The following TXNDC16 variants were observed in gnomAD, a reference collection of about 807,000 sequenced individuals.
TXNDC16 encodes thioredoxin domain containing 16, also known as thioredoxin domain-containing protein 16.
A neutral mutation model predicts 85.6 loss-of-function variants in TXNDC16; 74 were observed. The observed-to-expected ratio is 0.86, with a 90% confidence interval of 0.72 to 1.05. The LOEUF (loss-of-function observed/expected upper bound fraction) is 1.05, where lower values mean the gene tolerates loss of function less well. TXNDC16 is among the 50% of genes least tolerant of loss of function. The probability of loss-of-function intolerance (pLI) is 0.00; values close to 1 mark genes in which losing one functional copy is unlikely to be tolerated. For synonymous variants in TXNDC16, 335 were observed against 326.5 expected (o/e 1.03, Z -0.28); for missense variants, 959 against 947.0 (o/e 1.01, Z -0.17).
intron 16 of TXNDC16, among the ~76,000 whole-genome samples, chr14:52,464,794 G>A (rs1175786346): frequency 3.9e-5 from 6 of 151,998 alleles, no homozygotes; most frequent in East Asian, 1.9e-4. Context: ...TTAGCTGGGC[G>A]TGCTGCTGCA....
intron 6 of TXNDC16, among the ~76,000 whole-genome samples, chr14:52,523,467 C>T (rs2037259026): frequency 6.6e-6 from 1 of 151,344 alleles, no homozygotes. Flanking sequence ...TAGAACACAA[C>T]AAAAAGGAAA....
chr14:52,439,378 C>T lies in TXNDC16; in HGVS notation c.2020G>A (p.Gly674Arg), dbSNP rs779633860. The T allele has an allele frequency of 1.9e-6, 3 of 1,613,284 alleles. No homozygotes were observed. Among genetic ancestry groups the T allele is most frequent in the African/African-American group, 2.7e-5 (2 of 74,872 alleles). Reference sequence around the variant, plus strand: ...AAATATGCCCTCAAGATTCCTCTCCCCACTGGAGTATTCTTTCTGCAAAAG... The same window carrying T: ...AAATATGCCCTCAAGATTCCTCTCCTCACTGGAGTATTCTTTCTGCAAAAG... The part of the protein sequence containing the change: ...CWLNLKNTPV[G>R]RGILRAYFDP... Residue 674 changes from glycine to arginine, a missense_variant, in exon 20 of 21, where the codon GGG becomes AGG. Transcript: ENST00000281741.
At chr14:52,529,618 T>A (rs2037433613) in intron 6 of TXNDC16, among the ~76,000 whole-genome samples, 1 of 100,848 alleles carries the variant, frequency 9.9e-6, no homozygotes, top group Non-Finnish European at 1.8e-5. Flanking sequence ...TAATGCCTAT[T>A]ATATATATTA....
chr14:52,493,244 AG>A (rs1308117860), intron 9 of TXNDC16, among the ~76,000 whole-genome samples: 1 of 141,958 alleles, frequency 7.0e-6, no homozygotes, highest in African/African-American at 2.9e-5. Context: ...CATATTTAAA[AG>A]TCACCAAGTC....
In TXNDC16 at chr14:52,543,571, T is replaced by G; in HGVS notation, c.-14A>C. On this transcript the variant is annotated 5_prime_UTR_variant, in exon 3 of 21. Coordinates refer to ENST00000281741, the MANE Select transcript of TXNDC16 (RefSeq NM_020784.3). ...GCCGGAAAACATTATCAGCTGCAGTTGTATCTGAGCGGATTTTGTCTGTTT... is the reference window on the plus strand; with the variant it reads ...GCCGGAAAACATTATCAGCTGCAGTGGTATCTGAGCGGATTTTGTCTGTTT... 3 of 1,612,198 alleles carry G rather than the reference T, an allele frequency of 1.9e-6. No individual in the cohort carries two copies. Among genetic ancestry groups the G allele is most frequent in the Non-Finnish European group, 2.5e-6 (3 of 1,179,132 alleles).
intron 6 of TXNDC16, among the ~76,000 whole-genome samples, chr14:52,530,344 TA>T (rs2037493950): frequency 2.0e-5 from 1 of 49,196 alleles, no homozygotes; most frequent in African/African-American, 9.9e-5. Context: ...TATATAATTA[TA>T]TATTATAATA....
chr14:52,468,886 A>C (rs551822436), intron 16 of TXNDC16, among the ~76,000 whole-genome samples: 1 of 152,210 alleles, frequency 6.6e-6, no homozygotes, highest in South Asian at 2.1e-4. Context: ...CAAAAAAAAA[A>C]ACAAAAAACC....
At chr14:52,537,481 A>G (rs992414074) in intron 5 of TXNDC16, 118 bp downstream of exon 5, 16 of 734,274 alleles carry the variant, frequency 2.2e-5, no homozygotes, top group African/African-American at 3.6e-5. Context: ...CTTTTGGTTA[A>G]GCTTTACATG....
Position 52,536,788 on chromosome 14 carries a change from T to G in TXNDC16, c.323A>C (p.Asn108Thr). ...DLMKAYLFKGNILLREFPTDT... is the reference protein window; with the variant it reads ...DLMKAYLFKGTILLREFPTDT... ...AGTAGGGAATTCTCTGAGCAATATG[T>G]TGCCCCTATAAAAAGTTTAAAAACA... Residue 108 changes from asparagine to threonine, a missense_variant, in exon 6 of 21, where the codon AAC becomes ACC. By Grantham distance (65) the Asn-to-Thr change is moderately conservative. Transcript: ENST00000281741. The G allele has an allele frequency of 6.2e-7, 1 of 1,608,760 alleles. No individual in the cohort carries two copies.
intron 7 of TXNDC16, among the ~76,000 whole-genome samples, chr14:52,516,454 C>T (rs745657677): frequency 2.4e-4 from 36 of 152,100 alleles, no homozygotes; most frequent in African/African-American, 7.2e-5. Context: ...TTAAGAAGTT[C>T]GATGCTATTC....
chr14:52,546,039 C>T (rs1429823735), intron 1 of TXNDC16, among the ~76,000 whole-genome samples: 1 of 151,880 alleles, frequency 6.6e-6, no homozygotes, highest in Non-Finnish European at 1.5e-5. Flanking sequence ...CAATTCCAGC[C>T]CTCTGGGAGG....
intron 4 of TXNDC16, among the ~76,000 whole-genome samples, chr14:52,538,774 G>C (rs756635800): frequency 2.0e-4 from 30 of 152,114 alleles, no homozygotes; most frequent in African/African-American, 4.6e-4. Context: ...TCTCTTAAGA[G>C]GGGGTTTTCC....
chr14:52,525,739 AATAAT>A (rs773197636), intron 6 of TXNDC16, among the ~76,000 whole-genome samples: 16,614 of 139,684 alleles, frequency 0.12, 1,075 homozygotes, highest in Non-Finnish European at 0.15. Flanking sequence ...TAATAATAAT[AATAAT>A]AAATAAAAAT....
intron 14 of TXNDC16, among the ~76,000 whole-genome samples, chr14:52,471,607 C>A (rs1402379874): frequency 6.6e-6 from 1 of 152,158 alleles, no homozygotes; most frequent in Non-Finnish European, 1.5e-5. Context: ...TGATCAACGT[C>A]TGTCTCTACC....
chr14:52,530,681 C>G (rs1034953925), intron 6 of TXNDC16, among the ~76,000 whole-genome samples: 3 of 129,820 alleles, frequency 2.3e-5, no homozygotes, highest in Admixed American at 9.7e-5. Flanking sequence ...TGTTACACCT[C>G]TTGCATAATA....
Position 52,470,546 on chromosome 14 carries a change from A to G in TXNDC16, c.1447T>C (p.Leu483=). The G allele has an allele frequency of 6.2e-7, 1 of 1,613,466 alleles. No homozygotes were observed. Among genetic ancestry groups the G allele is most frequent in the Non-Finnish European group, 8.5e-7 (1 of 1,179,774 alleles). ...AATTTTAGGAGATCTTCGGTTCCTA[A>G]CATTCCAGCATAAGATACTGGGTTC... ...GENPVSYAGM[L]GTEDLLKFIQ... The change falls in exon 15 of 21, where the codon TTA becomes CTA. Residue 483 remains leucine (L), a synonymous_variant. Coordinates refer to ENST00000281741, the MANE Select transcript of TXNDC16 (RefSeq NM_020784.3).
chr14:52,514,869 T>G lies in TXNDC16; in HGVS notation c.605+11A>C. On this transcript the variant is annotated intron_variant, in intron 8 of 20. Coordinates refer to ENST00000281741, the MANE Select transcript of TXNDC16 (RefSeq NM_020784.3). ...ACCTTTAAATTGTTGACATATGCTT[T>G]TTATACATACCCAATACTTTCCAAA... 6.3e-7 allele frequency: 1 copy of G among 1,586,818 alleles called. No individual in the cohort carries two copies. The highest frequency in any genetic ancestry group is 1.4e-5 in the African/African-American group (1 of 73,602).
intron 16 of TXNDC16, among the ~76,000 whole-genome samples, chr14:52,458,323 C>T (rs542533178): frequency 3.3e-5 from 5 of 152,134 alleles, no homozygotes; most frequent in South Asian, 2.1e-4. Context: ...CTTTGGGAGG[C>T]GAGGTGGGTG....
chr14:52,474,815 T>C (rs2064232972), intron 14 of TXNDC16, among the ~76,000 whole-genome samples: 1 of 151,474 alleles, frequency 6.6e-6, no homozygotes. Flanking sequence ...AGATCAAATG[T>C]GGTTGGGAAA....
Sources: gnomAD v4.1 joint callset for allele counts (sites outside exome capture counted in the v4.1 genomes callset) on GRCh38, gnomAD v4.1.1 for gene constraint, MANE v1.5 for transcripts, NCBI Gene and HGNC (gene_info 2026-07-23, HGNC 2026-07-21) for gene names.